ADAM19: variants seen among roughly 807,000 people sequenced by gnomAD.
The protein encoded by ADAM19 is ADAM metallopeptidase domain 19.
In ADAM19, 65 loss-of-function variants were observed where a neutral mutation model predicts 114.7. That is an observed-to-expected ratio of 0.57 (90% CI 0.46 to 0.70). ADAM19 has a LOEUF of 0.70. ADAM19 is among the 30% of genes least tolerant of loss of function. The pLI is 0.00. For synonymous variants in ADAM19, 466 were observed against 460.5 expected (o/e 1.01, Z -0.15); for missense variants, 1,063 against 1,204.7 (o/e 0.88, Z 1.74).
In ADAM19 at chr5:157,478,761, A is replaced by G; in HGVS notation, c.*2188T>C. The G allele has an allele frequency of 1.0e-6, 1 of 985,884 alleles. No individual in the cohort carries two copies. The highest frequency in any genetic ancestry group is 1.2e-6 in the Non-Finnish European group (1 of 829,942). The allele number at this position is 985,884 out of a possible 1,614,324, so 61.1% of individuals were successfully genotyped here. A position where few individuals can be genotyped will look rare whatever the true frequency, so the allele number is the denominator to read the frequency against. On this transcript the variant is annotated 3_prime_UTR_variant, in exon 23 of 23. Transcript: ENST00000257527. The stretch of plus-strand genomic sequence containing the variant: ...ATGGGATGGAGGTGATATGAAAATA[A>G]TAAAACAAAACAAAACAAAAAGCAA...
rs1754721553 is a variant in ADAM19, at chr5:157,480,777, G to A, written c.*172C>T. The A allele has an allele frequency of 1.4e-6, 2 of 1,447,998 alleles. No homozygotes were observed. Among genetic ancestry groups the A allele is most frequent in the South Asian group, 1.5e-5 (1 of 67,808 alleles). The allele number at this position is 1,447,998 out of a possible 1,614,324, so 89.7% of individuals were successfully genotyped here. Reference sequence around the variant, plus strand: ...ATCATAGTCCCTCTGGGCTTCCAAGGAAGCCGAGGAGGCACTGAGTCAACA... The same window carrying A: ...ATCATAGTCCCTCTGGGCTTCCAAGAAAGCCGAGGAGGCACTGAGTCAACA... On this transcript the variant is annotated 3_prime_UTR_variant, in exon 23 of 23. Coordinates refer to ENST00000257527, the MANE Select transcript of ADAM19 (RefSeq NM_033274.5).
rs144328968 is a variant in ADAM19, at chr5:157,538,273, G to A, written c.252-282C>T. ...AAGCAATGATCTTAATATTTGTCTG[G>A]GTCCTGGGAAAACAGACATGCAAAC... is the stretch of plus-strand genomic sequence containing the variant. On this transcript the variant is annotated intron_variant, in intron 3 of 22. Coordinates refer to ENST00000257527, the MANE Select transcript of ADAM19 (RefSeq NM_033274.5). Among the ~76,000 whole-genome samples the A allele has an allele frequency of 2.4e-3, 370 of 152,198 alleles. 3 individuals carry two copies. Among genetic ancestry groups the A allele is most frequent in the African/African-American group, 8.5e-3 (353 of 41,538 alleles).
chr5:157,504,609 T>G (rs960887194), intron 11 of ADAM19, among the ~76,000 whole-genome samples: 26 of 152,022 alleles, frequency 1.7e-4, no homozygotes, highest in Admixed American at 1.4e-3. Context: ...ACACCAGAGC[T>G]CTAAGAAAGC....
At position 157,478,433 on chromosome 5, in the gene ADAM19, G is replaced by A. The variant is rs370512399; in HGVS notation, c.*2516C>T. ...ACGCTTGCAGATCTTGCCATCGGTC[G>A]GTCTGAGCCTTTTCACTATTCCCAT... is the stretch of plus-strand genomic sequence containing the variant. On this transcript the variant is annotated 3_prime_UTR_variant, in exon 23 of 23. Coordinates refer to ENST00000257527, the MANE Select transcript of ADAM19 (RefSeq NM_033274.5). 243 of 355,426 alleles carry A rather than the reference G, an allele frequency of 6.8e-4. No individual in the cohort carries two copies. The highest frequency in any genetic ancestry group is 4.8e-3 in the African/African-American group (217 of 45,174). 22.0% of individuals were successfully genotyped at this position (355,426 alleles called of 1,614,324 possible).
chr5:157,478,762 T>TAAAAC lies in ADAM19; in HGVS notation c.*2182_*2186dup, dbSNP rs770536589. 3 of 985,756 alleles carry TAAAAC rather than the reference T, an allele frequency of 3.0e-6. No individual in the cohort carries two copies. Among genetic ancestry groups the TAAAAC allele is most frequent in the South Asian group, 9.4e-5 (2 of 21,282 alleles). 61.1% of individuals were successfully genotyped at this position (985,756 alleles called of 1,614,324 possible). The stretch of plus-strand genomic sequence containing the variant: ...TGGGATGGAGGTGATATGAAAATAA[T>TAAAAC]AAAACAAAACAAAACAAAAAGCAAG... On this transcript the variant is annotated 3_prime_UTR_variant, in exon 23 of 23. Transcript: ENST00000257527.
chr5:157,489,243 T>C, intron 19 of ADAM19, 57 bp from the exon 20 acceptor site: 1 of 1,291,764 alleles, frequency 7.7e-7, no homozygotes, highest in Non-Finnish European at 1.1e-6. Flanking sequence ...CAGGGGACAG[T>C]GCCTGAGTTC....
intron 21 of ADAM19, 22 bp downstream of exon 21, chr5:157,488,243 A>G: frequency 6.2e-7 from 1 of 1,604,610 alleles, no homozygotes; most frequent in South Asian, 1.1e-5. Flanking sequence ...TCCCAGCCCA[A>G]GGTTGCTGAT....
chr5:157,566,397 G>A (rs1333819060), intron 2 of ADAM19: 1 of 152,232 alleles, frequency 6.6e-6, no homozygotes, highest in African/African-American at 2.4e-5. Context: ...ATGGGATCAT[G>A]AGTTAATTTT....
At chr5:157,571,598 G>C (rs1757829533) in intron 1 of ADAM19, among the ~76,000 whole-genome samples, 1 of 152,192 alleles carries the variant, frequency 6.6e-6, no homozygotes, top group Non-Finnish European at 1.5e-5. Flanking sequence ...TTTAAATACA[G>C]AGCAATATGA....
chr5:157,564,135 G>T (rs1045994003), intron 3 of ADAM19, among the ~76,000 whole-genome samples: 1 of 152,164 alleles, frequency 6.6e-6, no homozygotes, highest in Non-Finnish European at 1.5e-5. Context: ...AACTCCAGGG[G>T]CCCCTGAAAT....
chr5:157,549,106 G>A (rs539195591), intron 3 of ADAM19, among the ~76,000 whole-genome samples: 4 of 152,262 alleles, frequency 2.6e-5, no homozygotes, highest in Admixed American at 1.3e-4. Flanking sequence ...GTTCTTCAGT[G>A]GGGAGGGGTG....
chr5:157,504,409 CCCAG>C (rs1186085127), intron 11 of ADAM19, among the ~76,000 whole-genome samples: 2 of 152,084 alleles, frequency 1.3e-5, no homozygotes, highest in Non-Finnish European at 2.9e-5. Flanking sequence ...CACCACCACG[CCCAG>C]CTAATTTTTG....
At position 157,574,450 on chromosome 5, in the gene ADAM19, T is replaced by C. The variant is rs577395325; in HGVS notation, c.94+1153A>G. 9.2e-5 allele frequency among the ~76,000 whole-genome samples: 14 copies of C among 152,280 alleles called. No individual in the cohort carries two copies. In the South Asian group the frequency reaches 2.9e-3, roughly 32 times the overall value. ...CTCAAAGGGCGGTTCCTTTGAGCCC[T>C]TTGGGAGGACCGCCCGACCTCGGCC... is the stretch of plus-strand genomic sequence containing the variant. On this transcript the variant is annotated intron_variant, in intron 1 of 22. Transcript: ENST00000257527.
intron 2 of ADAM19, among the ~76,000 whole-genome samples, chr5:157,565,280 A>G (rs1363613984): frequency 1.3e-5 from 2 of 152,352 alleles, no homozygotes; most frequent in Middle Eastern, 3.4e-3. Flanking sequence ...GAAAAAAATC[A>G]AAGTGCCAGA....
At chr5:157,529,616 C>T (rs1159953111) in intron 5 of ADAM19, among the ~76,000 whole-genome samples, 2 of 152,114 alleles carry the variant, frequency 1.3e-5, no homozygotes, top group African/African-American at 4.8e-5. Flanking sequence ...TTGATGCTGC[C>T]CATCCATGGA....
chr5:157,568,642 T>G (rs1470027510), intron 2 of ADAM19: 1 of 152,174 alleles, frequency 6.6e-6, no homozygotes, highest in Non-Finnish European at 1.5e-5. Context: ...TATATTTGCA[T>G]TCCCCCTAAG....
intron 1 of ADAM19, among the ~76,000 whole-genome samples, chr5:157,574,351 C>A (rs1757911494): frequency 1.3e-5 from 2 of 152,182 alleles, no homozygotes; most frequent in African/African-American, 4.8e-5. Flanking sequence ...TTTTCTCCTG[C>A]ACTAAGCACT....
In ADAM19 at chr5:157,481,729, C is replaced by T. The variant is rs898090891; in HGVS notation, c.2703+62G>A. 9.0e-6 allele frequency: 14 copies of T among 1,552,038 alleles called. No homozygotes were observed. In the Admixed American group the frequency reaches 2.0e-4, roughly 22 times the overall value. ...GAATTGCTTTGTTTTCTCAACTCTA[C>T]ACCTGCCCCCCTGGAGCCCTCTGGT... On this transcript the variant is annotated intron_variant, in intron 22 of 22. Transcript: ENST00000257527.
intron 21 of ADAM19, among the ~76,000 whole-genome samples, chr5:157,486,213 G>A (rs1561839753): frequency 6.6e-6 from 1 of 152,170 alleles, no homozygotes; most frequent in Non-Finnish European, 1.5e-5. Context: ...GCAATGTCGG[G>A]CAAGTCCCTT....
Sources: gnomAD v4.1 joint callset for allele counts (sites outside exome capture counted in the v4.1 genomes callset) on GRCh38, gnomAD v4.1.1 for gene constraint, MANE v1.5 for transcripts, NCBI Gene and HGNC (gene_info 2026-07-23, HGNC 2026-07-21) for gene names.